Variants in ARHGEF18 observed in about 807,000 individuals in gnomAD.
The protein encoded by ARHGEF18 is rho guanine nucleotide exchange factor 18.
In ARHGEF18, 93 loss-of-function variants were observed where a neutral mutation model predicts 155.7. The observed-to-expected ratio is 0.60, with a 90% CI of 0.50 to 0.71. The LOEUF (loss-of-function observed/expected upper bound fraction) is 0.71. ARHGEF18 is among the 30% of genes least tolerant of loss of function. ARHGEF18 has a pLI of 0.00. For missense variants in ARHGEF18, 1,593 were observed against 1,816.1 expected (o/e 0.88, Z 2.23); for synonymous variants, 742 against 753.1 (o/e 0.99, Z 0.24).
intron 10 of ARHGEF18, among the ~76,000 whole-genome samples, chr19:7,419,273 G>C (rs9676925): frequency 5.3e-5 from 6 of 113,196 alleles, no homozygotes; most frequent in Non-Finnish European, 8.0e-5. Flanking sequence ...CCCCAGGTGT[G>C]CCCACACTCG....
rs910744914 is a variant in ARHGEF18, at chr19:7,463,248, A to T, written c.2636-570A>T. Among the ~76,000 whole-genome samples, 2 of 152,130 alleles carry T rather than the reference A, an allele frequency of 1.3e-5. No homozygotes were observed. The highest frequency in any genetic ancestry group is 4.8e-5 in the African/African-American group (2 of 41,422). On this transcript the variant is annotated intron_variant, in intron 21 of 28. Coordinates refer to ENST00000668164, the MANE Select transcript of ARHGEF18 (RefSeq NM_001367823.1). This position sits in a 1 kb window ranked among gnomAD's most constrained non-coding sequence, Gnocchi z 5.2. Reference sequence around the variant, plus strand: ...AGTCTTTCTCCCTCCAGGCCCACTGACATCCTTCCACCCGGCTCCAGTGGC... The same window carrying T: ...AGTCTTTCTCCCTCCAGGCCCACTGTCATCCTTCCACCCGGCTCCAGTGGC...
intron 10 of ARHGEF18, among the ~76,000 whole-genome samples, chr19:7,409,102 C>G (rs1442990492): frequency 2.7e-5 from 4 of 146,846 alleles, no homozygotes; most frequent in Non-Finnish European, 6.0e-5. Context: ...CTCTGTCGCC[C>G]AGGCTGGAGT....
rs1365305648 is a variant in ARHGEF18, at chr19:7,470,616, G to C, written c.*318G>C. The C allele has an allele frequency of 2.5e-6, 1 of 397,538 alleles. No homozygotes were observed. The highest frequency in any genetic ancestry group is 4.4e-6 in the Non-Finnish European group (1 of 225,924). 24.6% of individuals were successfully genotyped at this position (397,538 alleles called of 1,614,324 possible). On this transcript the variant is annotated 3_prime_UTR_variant, in exon 29 of 29. Coordinates refer to ENST00000668164, the MANE Select transcript of ARHGEF18 (RefSeq NM_001367823.1). The surrounding 1 kb of genome is among the most constrained non-coding windows in gnomAD (Gnocchi z 5.9). ...CATAGCACCCCATCCGGGTGGCGGG[G>C]AGATCAACTCCGAGCTGTTTTTCCG...
chr19:7,462,391 GA>G lies in ARHGEF18; in HGVS notation c.2635+59del. 1 of 1,500,412 alleles carries G rather than the reference GA, an allele frequency of 6.7e-7. No individual in the cohort carries two copies. 92.9% of individuals were successfully genotyped at this position (1,500,412 alleles called of 1,614,324 possible). On this transcript the variant is annotated intron_variant, in intron 21 of 28. Transcript: ENST00000668164. This position sits in a 1 kb window ranked among gnomAD's most constrained non-coding sequence, Gnocchi z 4.4. ...GTCTTGCCGGGGTGGGCTCCTCAGG[GA>G]ACCCCAGGCCAGGCTCACGGCTCAT...
intron 3 of ARHGEF18, among the ~76,000 whole-genome samples, chr19:7,373,459 GTTTGTTTTTTTTTTTTTGTT>G (rs1254127375): frequency 8.8e-6 from 1 of 113,628 alleles, no homozygotes; most frequent in African/African-American, 4.9e-5. Flanking sequence ...TTGTTTTTGT[GTTTGTTTTTTTTTTTTTGTT>G]TTTGTTTTTT....
chr19:7,392,819 C>G (rs1322597348), intron 10 of ARHGEF18: 1 of 151,370 alleles, frequency 6.6e-6, no homozygotes, highest in Non-Finnish European at 1.5e-5. Flanking sequence ...CATAGGAGGC[C>G]CAGGCGGGCA....
At position 7,440,243 on chromosome 19, in the gene ARHGEF18, G is replaced by T; in HGVS notation, c.968-101G>T. 4.5e-6 allele frequency: 7 copies of T among 1,552,690 alleles called. No homozygotes were observed. The South Asian group carries it at 8.3e-5, about 18-fold the overall frequency. ...ACGAGCTGCTGACCTCCAAGATCCT[G>T]TCTGTGCTGCGGCCGCAGTCGGAGC... On this transcript the variant is annotated intron_variant, in intron 10 of 28. Coordinates refer to ENST00000668164, the MANE Select transcript of ARHGEF18 (RefSeq NM_001367823.1). The surrounding 1 kb of genome is among the most constrained non-coding windows in gnomAD (Gnocchi z 5.4).
intron 10 of ARHGEF18, among the ~76,000 whole-genome samples, chr19:7,420,630 CTT>C (rs1973296771): frequency 6.6e-6 from 1 of 152,224 alleles, no homozygotes; most frequent in African/African-American, 2.4e-5. Flanking sequence ...ACACTCAACT[CTT>C]TTGCACCCAT....
At chr19:7,426,564 G>A (rs921323115) in intron 10 of ARHGEF18, among the ~76,000 whole-genome samples, 2 of 151,424 alleles carry the variant, frequency 1.3e-5, no homozygotes, top group African/African-American at 2.4e-5. Flanking sequence ...ACACCTAATC[G>A]ACGTCTAGTG....
At chr19:7,375,179 G>A (rs577206809) in intron 3 of ARHGEF18, among the ~76,000 whole-genome samples, 203 of 151,858 alleles carry the variant, frequency 1.3e-3, no homozygotes, top group South Asian at 3.3e-3. Flanking sequence ...GGCTGAGGGA[G>A]GAGAATCGTT....
At chr19:7,351,702 CTCTTT>C (rs1969162861) in intron 1 of ARHGEF18, among the ~76,000 whole-genome samples, 1 of 6,320 alleles carries the variant, frequency 1.6e-4, no homozygotes, top group African/African-American at 3.2e-4. Flanking sequence ...CTCTCTCTCT[CTCTTT>C]TTTTTTTTTT....
chr19:7,397,634 G>A (rs1971792122), intron 10 of ARHGEF18, among the ~76,000 whole-genome samples: 1 of 152,030 alleles, frequency 6.6e-6, no homozygotes, highest in Non-Finnish European at 1.5e-5. Context: ...TCAGGAGGCT[G>A]AGGCAGGAGA....
chr19:7,472,785 T>C, downstream of ARHGEF18: 2 of 351,426 alleles, frequency 5.7e-6, no homozygotes, highest in East Asian at 7.6e-5. Flanking sequence ...CTGCAACCTC[T>C]GCCTCCCGGG....
intron 10 of ARHGEF18, among the ~76,000 whole-genome samples, chr19:7,387,619 G>A (rs1349454764): frequency 2.0e-5 from 3 of 152,112 alleles, no homozygotes; most frequent in East Asian, 3.9e-4. Context: ...TGGCAGGACA[G>A]CTCGCCTGTT....
chr19:7,432,175 C>G (rs1600417407), intron 10 of ARHGEF18, among the ~76,000 whole-genome samples: 1 of 152,194 alleles, frequency 6.6e-6, no homozygotes, highest in East Asian at 1.9e-4. Context: ...ATGAAGTCAT[C>G]TTCTCATCGA....
chr19:7,419,337 A>T (rs1349769984), intron 10 of ARHGEF18, among the ~76,000 whole-genome samples: 26 of 119,664 alleles, frequency 2.2e-4, no homozygotes, highest in Non-Finnish European at 1.7e-5. Context: ...GTGTGCCCAC[A>T]CTTGGCCCCC....
chr19:7,360,154 AAAC>A (rs144434108), intron 1 of ARHGEF18, among the ~76,000 whole-genome samples: 18 of 151,816 alleles, frequency 1.2e-4, no homozygotes, highest in South Asian at 6.2e-4. Context: ...TCTTGAAACA[AAAC>A]AACAACAACA....
chr19:7,442,216 C>T (rs10403528), intron 13 of ARHGEF18, among the ~76,000 whole-genome samples, 164 bp downstream of exon 13: 61,189 of 148,172 alleles, frequency 0.41, 13,216 homozygotes, highest in East Asian at 0.61. Flanking sequence ...TCTCTTTTGT[C>T]CTCTTTCTCT....
intron 10 of ARHGEF18, among the ~76,000 whole-genome samples, chr19:7,429,400 T>G (rs1249076978): frequency 6.6e-6 from 1 of 152,082 alleles, no homozygotes; most frequent in Non-Finnish European, 1.5e-5. Flanking sequence ...GTCAGGCTTT[T>G]GAGACCAGCT....
Sources: gnomAD v4.1 joint callset for allele counts (sites outside exome capture counted in the v4.1 genomes callset) on GRCh38, gnomAD v4.1.1 for gene constraint, Gnocchi (gnomAD v3.1) non-coding constraint, MANE v1.5 for transcripts, NCBI Gene and HGNC (gene_info 2026-07-23, HGNC 2026-07-21) for gene names.